Variants in CERS6 observed in about 807,000 individuals in gnomAD.
The protein encoded by CERS6 is ceramide synthase 6, also known as LAG1 homolog, ceramide synthase 6.
Under a neutral mutation model 56.8 loss-of-function variants are expected in CERS6, and 26 were observed. That is an observed-to-expected ratio of 0.46 (90% CI 0.34 to 0.63). CERS6 has a LOEUF of 0.63. CERS6 is among the 30% of genes least tolerant of loss of function. The pLI, the probability that CERS6 is intolerant of heterozygous loss-of-function variation, is 0.01. For missense variants in CERS6, 415 were observed against 467.5 expected (o/e 0.89, Z 1.04); for synonymous variants, 164 against 173.3 (o/e 0.95, Z 0.42).
intron 4 of CERS6, among the ~76,000 whole-genome samples, chr2:168,678,378 T>G (rs1686120405): frequency 6.6e-6 from 1 of 152,204 alleles, no homozygotes; most frequent in Admixed American, 6.5e-5. Flanking sequence ...GAAGCACACC[T>G]GCTTCTTACT....
At chr2:168,743,995 C>CTTTTTTTTTTTTT (rs58256507) in intron 8 of CERS6, among the ~76,000 whole-genome samples, 4 of 63,396 alleles carry the variant, frequency 6.3e-5, no homozygotes, top group Admixed American at 2.3e-4. Flanking sequence ...TCTTTTTTTT[C>CTTTTTTTTTTTTT]TTTTTTTTTT....
intron 4 of CERS6, among the ~76,000 whole-genome samples, chr2:168,685,128 T>C (rs552374945): frequency 6.6e-6 from 1 of 152,344 alleles, no homozygotes; most frequent in East Asian, 1.9e-4. Flanking sequence ...AGCTGGGCTT[T>C]GTGAAAGCTA....
intron 3 of CERS6, among the ~76,000 whole-genome samples, chr2:168,610,383 C>T (rs1684158190): frequency 6.6e-6 from 1 of 152,134 alleles, no homozygotes; most frequent in Non-Finnish European, 1.5e-5. Context: ...GAGGGAAGGA[C>T]TTTGACTTAA....
At chr2:168,722,175 G>T (rs1683195688) in intron 8 of CERS6, among the ~76,000 whole-genome samples, 1 of 152,206 alleles carries the variant, frequency 6.6e-6, no homozygotes, top group South Asian at 2.1e-4. Flanking sequence ...ACATAATAAT[G>T]TATATTATAT....
At chr2:168,589,016 A>T (rs970729964) in intron 3 of CERS6, among the ~76,000 whole-genome samples, 1 of 152,224 alleles carries the variant, frequency 6.6e-6, no homozygotes, top group East Asian at 1.9e-4. Context: ...CTAGGACTAC[A>T]GTTGTGGGCC....
At chr2:168,538,836 TGACA>T (rs1226749788) in intron 1 of CERS6, among the ~76,000 whole-genome samples, 2 of 152,254 alleles carry the variant, frequency 1.3e-5, no homozygotes, top group Admixed American at 6.5e-5. Flanking sequence ...CTTCTTTGTC[TGACA>T]GATTGTCTTA....
At chr2:168,646,577 A>G (rs1042677268) in intron 4 of CERS6, among the ~76,000 whole-genome samples, 2 of 152,124 alleles carry the variant, frequency 1.3e-5, no homozygotes, top group Admixed American at 6.5e-5. Flanking sequence ...TTTTGTTGCG[A>G]TTGCTTTTGG....
At chr2:168,721,406 G>A (rs1168034181) in intron 8 of CERS6, among the ~76,000 whole-genome samples, 1 of 151,868 alleles carries the variant, frequency 6.6e-6, no homozygotes, top group Non-Finnish European at 1.5e-5. Flanking sequence ...GAATAATGCT[G>A]CTATTAATGT....
In CERS6 at chr2:168,774,390, C is replaced by T. The variant is rs1322878271; in HGVS notation, c.*4728C>T. 3 of 152,176 alleles carry T rather than the reference C, an allele frequency of 2.0e-5. No individual in the cohort carries two copies. Among genetic ancestry groups the T allele is most frequent in the Non-Finnish European group, 4.4e-5 (3 of 68,032 alleles). 9.4% of individuals were successfully genotyped at this position (152,176 alleles called of 1,614,324 possible). A position where few individuals can be genotyped will look rare whatever the true frequency, so the allele number is the denominator to read the frequency against. On this transcript the variant is annotated 3_prime_UTR_variant, in exon 10 of 10. Coordinates refer to ENST00000305747, the MANE Select transcript of CERS6 (RefSeq NM_203463.3). ...CAGTTGTACACCCACACTTCCTTCT[C>T]TGCCTAATTCCGTTTTTCTGGAAAA...
intron 6 of CERS6, among the ~76,000 whole-genome samples, chr2:168,700,852 A>G (rs1316240961): frequency 1.3e-5 from 2 of 152,208 alleles, no homozygotes; most frequent in Non-Finnish European, 2.9e-5. Flanking sequence ...TAAATGCTCA[A>G]TAAATGTAGC....
chr2:168,728,844 A>G (rs982883873), intron 8 of CERS6, among the ~76,000 whole-genome samples: 2 of 142,742 alleles, frequency 1.4e-5, no homozygotes, highest in Admixed American at 7.0e-5. Context: ...CATCTCTACT[A>G]AAAATACAAA....
intron 1 of CERS6, among the ~76,000 whole-genome samples, chr2:168,525,953 T>C (rs1348292025): frequency 3.3e-5 from 5 of 152,218 alleles, no homozygotes; most frequent in African/African-American, 1.2e-4. Context: ...CATTTGGTTA[T>C]TTCTCATAAA....
intron 3 of CERS6, among the ~76,000 whole-genome samples, chr2:168,608,922 A>C (rs1684118991): frequency 1.3e-5 from 2 of 152,164 alleles, no homozygotes; most frequent in Non-Finnish European, 2.9e-5. Flanking sequence ...TTTTATTCCA[A>C]AGCTGAGATT....
intron 8 of CERS6, among the ~76,000 whole-genome samples, chr2:168,760,248 G>A (rs1391149743): frequency 6.6e-6 from 1 of 152,210 alleles, no homozygotes; most frequent in Non-Finnish European, 1.5e-5. Flanking sequence ...AGCTTGAGGA[G>A]CAAGGAGAGC....
At chr2:168,693,771 A>G (rs1375978274) in intron 5 of CERS6, among the ~76,000 whole-genome samples, 1 of 152,120 alleles carries the variant, frequency 6.6e-6, no homozygotes, top group Non-Finnish European at 1.5e-5. Flanking sequence ...CCTGCCTCCA[A>G]ATACCGTCAC....
chr2:168,597,132 C>T (rs1402373703), intron 3 of CERS6, among the ~76,000 whole-genome samples: 6 of 152,078 alleles, frequency 3.9e-5, no homozygotes, highest in Non-Finnish European at 7.4e-5. Context: ...GTAGGGATGG[C>T]GCCAGGTTTG....
At chr2:168,759,968 A>G (rs1279997064) in intron 8 of CERS6, among the ~76,000 whole-genome samples, 3 of 151,678 alleles carry the variant, frequency 2.0e-5, no homozygotes, top group Non-Finnish European at 2.9e-5. Context: ...ATTGGCGTAT[A>G]ATTCCTATAT....
intron 1 of CERS6, among the ~76,000 whole-genome samples, chr2:168,487,825 G>A (rs1206374576): frequency 1.3e-5 from 2 of 152,116 alleles, no homozygotes; most frequent in African/African-American, 2.4e-5. Context: ...GGTTCAACCA[G>A]TCCTCCTGCC....
intron 4 of CERS6, among the ~76,000 whole-genome samples, chr2:168,661,309 G>T (rs1387910093): frequency 2.0e-5 from 3 of 152,068 alleles, no homozygotes; most frequent in Admixed American, 2.0e-4. Flanking sequence ...TTTCAATTAG[G>T]CATGTAAGAT....
Sources: allele counts gnomAD v4.1 joint callset (sites outside exome capture counted in the v4.1 genomes callset), GRCh38; gene constraint gnomAD v4.1.1; transcripts MANE v1.5; gene names NCBI Gene and HGNC (gene_info 2026-07-23, HGNC 2026-07-21).